Variants in PEX14 observed in about 807,000 individuals in gnomAD.
The protein encoded by PEX14 is peroxisomal membrane protein PEX14.
In PEX14, 15 loss-of-function variants were observed where a neutral mutation model predicts 49.5. The ratio of observed to expected loss-of-function variants is 0.30; its 90% CI spans 0.20 to 0.47. The LOEUF is 0.47. Ranked by LOEUF, PEX14 falls within the 20% of genes least tolerant of loss-of-function variation. The pLI, the probability that PEX14 is intolerant of heterozygous loss-of-function variation, is 1.00. For missense variants in PEX14, 398 were observed against 494.8 expected, an observed-to-expected ratio of 0.80 and a Z score of 1.86; for synonymous variants, 210 against 212.7, an observed-to-expected ratio of 0.99 and a Z score of 0.11.
rs185542426 is a variant in PEX14, at chr1:10,518,914, A to G, written c.85-17299A>G. Among the ~76,000 whole-genome samples the G allele has an allele frequency of 9.9e-5, 15 of 152,110 alleles. No individual in the cohort carries two copies. In the East Asian group the frequency reaches 2.9e-3, roughly 29 times the overall value. On this transcript the variant is annotated intron_variant, in intron 2 of 8. Transcript: ENST00000356607. Reference sequence around the variant, plus strand: ...GGGGAGAGATGGTGTGAAGGTCGTTATGTCCGTTTTGTCCTCTTGGAGAGA... The same window carrying G: ...GGGGAGAGATGGTGTGAAGGTCGTTGTGTCCGTTTTGTCCTCTTGGAGAGA...
At chr1:10,596,937 C>T (rs1042183803) in intron 3 of PEX14, among the ~76,000 whole-genome samples, 2 of 152,232 alleles carry the variant, frequency 1.3e-5, no homozygotes, top group African/African-American at 4.8e-5. Flanking sequence ...TCAACTGTGG[C>T]CTCACTAGTG....
At chr1:10,545,170 G>T (rs1639132230) in intron 3 of PEX14, among the ~76,000 whole-genome samples, 1 of 152,106 alleles carries the variant, frequency 6.6e-6, no homozygotes, top group African/African-American at 2.4e-5. Flanking sequence ...TGGCCATGTT[G>T]TTGTATATAC....
intron 3 of PEX14, among the ~76,000 whole-genome samples, chr1:10,578,533 A>G (rs895450896): frequency 6.6e-6 from 1 of 152,196 alleles, no homozygotes. Context: ...AACATCCAGT[A>G]TAAAATTAAA....
At chr1:10,492,746 A>G (rs1393612464) in intron 1 of PEX14, among the ~76,000 whole-genome samples, 1 of 152,172 alleles carries the variant, frequency 6.6e-6, no homozygotes, top group East Asian at 1.9e-4. Context: ...GCAAATTTCT[A>G]TTGAAGGCCT....
intron 3 of PEX14, among the ~76,000 whole-genome samples, chr1:10,572,799 G>T (rs1396221351): frequency 1.3e-5 from 2 of 152,172 alleles, no homozygotes; most frequent in African/African-American, 4.8e-5. Context: ...GCCTCCCAGA[G>T]TGCTGGGATT....
At chr1:10,551,495 G>A (rs763010990) in intron 3 of PEX14, among the ~76,000 whole-genome samples, 7 of 152,102 alleles carry the variant, frequency 4.6e-5, no homozygotes, top group Non-Finnish European at 1.0e-4. Context: ...GCACGGATTC[G>A]GCTTGGAGAT....
intron 2 of PEX14, among the ~76,000 whole-genome samples, chr1:10,504,217 C>G (rs1295365818): frequency 6.6e-6 from 1 of 152,150 alleles, no homozygotes; most frequent in Non-Finnish European, 1.5e-5. Context: ...TCCCTCCCAG[C>G]TCTCCTTTCT....
rs1290613528 is a variant in PEX14, at chr1:10,587,920, T to TA, written c.170-11308dup. ...CTTTTTTTTTTTTTTTTTTTTTTTT[T>TA]AAAAAAAAAAGAGATGGAGTCTTGG... is the stretch of plus-strand genomic sequence containing the variant. On this transcript the variant is annotated intron_variant, in intron 3 of 8. Transcript: ENST00000356607. Among the ~76,000 whole-genome samples, 232 of 64,000 alleles carry TA rather than the reference T, an allele frequency of 3.6e-3. 9 individuals are homozygous for TA. The highest frequency in any genetic ancestry group is 6.6e-3 in the East Asian group (14 of 2,128). 42.0% of individuals were successfully genotyped at this position (64,000 alleles called of 152,430 possible).
intron 4 of PEX14, among the ~76,000 whole-genome samples, chr1:10,610,062 T>C (rs1299820256): frequency 6.7e-6 from 1 of 148,274 alleles, no homozygotes; most frequent in African/African-American, 2.4e-5. Flanking sequence ...ACATATAATT[T>C]TATTCATATA....
intron 3 of PEX14, among the ~76,000 whole-genome samples, chr1:10,552,017 C>T (rs540292556): frequency 9.9e-5 from 15 of 151,102 alleles, no homozygotes; most frequent in African/African-American, 3.4e-4. Flanking sequence ...CTCTTGAACC[C>T]GGGAGGTGGA....
At position 10,526,365 on chromosome 1, in the gene PEX14, T is replaced by A. The variant is rs971642546; in HGVS notation, c.85-9848T>A. 3.9e-5 allele frequency among the ~76,000 whole-genome samples: 6 copies of A among 152,058 alleles called. No homozygotes were observed. The South Asian group carries it at 6.2e-4, about 16-fold the overall frequency. On this transcript the variant is annotated intron_variant, in intron 2 of 8. Coordinates refer to ENST00000356607, the MANE Select transcript of PEX14 (RefSeq NM_004565.3). ...TCCCAAGTAACTGGGATTACAAGTGTGAACCACCACACCCAGCTAAGTTTT... is the reference window on the plus strand; with the variant it reads ...TCCCAAGTAACTGGGATTACAAGTGAGAACCACCACACCCAGCTAAGTTTT...
At chr1:10,573,839 G>T (rs970439492) in intron 3 of PEX14, among the ~76,000 whole-genome samples, 3 of 152,126 alleles carry the variant, frequency 2.0e-5, no homozygotes, top group African/African-American at 4.8e-5. Flanking sequence ...GGTAGCTCAC[G>T]CCTGTAATCC....
At chr1:10,547,393 A>G (rs1210257653) in intron 3 of PEX14, among the ~76,000 whole-genome samples, 1 of 152,122 alleles carries the variant, frequency 6.6e-6, no homozygotes, top group Non-Finnish European at 1.5e-5. Flanking sequence ...CCTAATTCCC[A>G]TCCAGAACTC....
At chr1:10,506,157 C>T (rs1641778984) in intron 2 of PEX14, among the ~76,000 whole-genome samples, 1 of 152,186 alleles carries the variant, frequency 6.6e-6, no homozygotes, top group Non-Finnish European at 1.5e-5. Flanking sequence ...CAGTCTCTCC[C>T]ACACTCATCT....
rs377604565 is a variant in PEX14 at position 10,589,719 on chromosome 1, A to G, written c.170-9519A>G. ...TGAGCCACTGAGCCTGGCTTTCTAC[A>G]TAAGTCTTTTACTACATTATTTTAT... On this transcript the variant is annotated intron_variant, in intron 3 of 8. Coordinates refer to ENST00000356607, the MANE Select transcript of PEX14 (RefSeq NM_004565.3). Among the ~76,000 whole-genome samples the G allele has an allele frequency of 2.3e-4, 35 of 152,260 alleles. No individual in the cohort carries two copies. In the East Asian group the frequency reaches 2.3e-3, roughly 10 times the overall value.
chr1:10,581,759 T>C (rs1640328669), intron 3 of PEX14, among the ~76,000 whole-genome samples: 4 of 149,068 alleles, frequency 2.7e-5, no homozygotes, highest in African/African-American at 9.8e-5. Flanking sequence ...ATTTATAATT[T>C]ATAAATTTAT....
At chr1:10,526,768 G>C (rs1638496085) in intron 2 of PEX14, among the ~76,000 whole-genome samples, 1 of 152,002 alleles carries the variant, frequency 6.6e-6, no homozygotes, top group African/African-American at 2.4e-5. Flanking sequence ...CTGTCATGTT[G>C]GCACTCAAAA....
At chr1:10,486,749 G>A (rs1031873433) in intron 1 of PEX14, among the ~76,000 whole-genome samples, 15 of 149,784 alleles carry the variant, frequency 1.0e-4, no homozygotes, top group Admixed American at 2.0e-4. Context: ...GTGCAGTGGC[G>A]CGATCTCGGC....
At chr1:10,562,214 T>C (rs1191613411) in intron 3 of PEX14, among the ~76,000 whole-genome samples, 2 of 152,146 alleles carry the variant, frequency 1.3e-5, no homozygotes, top group African/African-American at 4.8e-5. Flanking sequence ...CTTTTTCTTT[T>C]TCTCTCTTTT....
Sources: allele counts gnomAD v4.1 joint callset (sites outside exome capture counted in the v4.1 genomes callset), GRCh38; gene constraint gnomAD v4.1.1; transcripts MANE v1.5; gene names NCBI Gene and HGNC (gene_info 2026-07-23, HGNC 2026-07-21).